Variants in TRABD2B observed in about 807,000 individuals in gnomAD.
The protein encoded by TRABD2B is TraB domain containing 2B.
A neutral mutation model predicts 40.1 loss-of-function variants in TRABD2B; 14 were observed. The observed-to-expected ratio is 0.35, with a 90% CI of 0.23 to 0.55. The LOEUF (loss-of-function observed/expected upper bound fraction) is 0.55, where lower values mean the gene tolerates loss of function less well. Ranked by LOEUF, TRABD2B falls within the 20% of genes least tolerant of loss-of-function variation. The probability of loss-of-function intolerance (pLI) is 0.90; values close to 1 mark genes in which losing one functional copy is unlikely to be tolerated. For synonymous variants in TRABD2B, 263 were observed against 277.0 expected, an observed-to-expected ratio of 0.95 and a Z score of 0.50; for missense variants, 541 against 648.6, an observed-to-expected ratio of 0.83 and a Z score of 1.80.
intron 2 of TRABD2B, among the ~76,000 whole-genome samples, chr1:47,820,483 G>A (rs1371803220): frequency 6.6e-6 from 1 of 152,216 alleles, no homozygotes; most frequent in East Asian, 1.9e-4. Flanking sequence ...GCCTGGGCCT[G>A]GCCTACCTCA....
At chr1:47,947,664 T>C (rs1005226211) in intron 2 of TRABD2B, among the ~76,000 whole-genome samples, 7 of 152,090 alleles carry the variant, frequency 4.6e-5, no homozygotes, top group Non-Finnish European at 8.8e-5. Flanking sequence ...CCATGGCCCA[T>C]AGAGTGAATA....
chr1:47,803,170 GTT>G (rs1557579719), intron 2 of TRABD2B, among the ~76,000 whole-genome samples: 1 of 152,250 alleles, frequency 6.6e-6, no homozygotes, highest in African/African-American at 2.4e-5. Flanking sequence ...TGGGGACTGG[GTT>G]AGGCCCCTCA....
intron 2 of TRABD2B, among the ~76,000 whole-genome samples, chr1:47,817,071 A>G (rs1645042740): frequency 6.6e-6 from 1 of 152,088 alleles, no homozygotes; most frequent in South Asian, 2.1e-4. Flanking sequence ...CCACTCACTA[A>G]AGGGAAAAAG....
At position 47,853,548 on chromosome 1, in the gene TRABD2B, C is replaced by T. The variant is rs539144721; in HGVS notation, c.667-51929G>A. Among the ~76,000 whole-genome samples the T allele has an allele frequency of 9.9e-5, 15 of 152,268 alleles. No individual in the cohort carries two copies. The South Asian group carries it at 1.5e-3, about 15-fold the overall frequency. On this transcript the variant is annotated intron_variant, in intron 2 of 6. Coordinates refer to ENST00000606738, the MANE Select transcript of TRABD2B (RefSeq NM_001194986.2). ...ACATATTTCAGAACCAGGAAAGTCA[C>T]GCAGGAAAGAGTCTAAAAGGATCTC...
intron 2 of TRABD2B, among the ~76,000 whole-genome samples, chr1:47,907,279 AAG>A (rs1283489902): frequency 3.3e-5 from 5 of 152,188 alleles, no homozygotes; most frequent in East Asian, 1.9e-4. Context: ...GGCTTTTTAC[AAG>A]AGAGTCATGG....
intron 2 of TRABD2B, among the ~76,000 whole-genome samples, chr1:47,944,723 C>T (rs1280968990): frequency 1.3e-5 from 2 of 152,196 alleles, no homozygotes; most frequent in South Asian, 2.1e-4. Flanking sequence ...CTTCTCTCTA[C>T]TCCCTGGCAG....
intron 2 of TRABD2B, among the ~76,000 whole-genome samples, chr1:47,936,068 C>A (rs1168848061): frequency 6.6e-6 from 1 of 152,162 alleles, no homozygotes; most frequent in Non-Finnish European, 1.5e-5. Flanking sequence ...CAGAATGGCA[C>A]CTGGCACACA....
At chr1:47,967,331 AAGAAAAC>A (rs1645617780) in intron 2 of TRABD2B, among the ~76,000 whole-genome samples, 1 of 103,512 alleles carries the variant, frequency 9.7e-6, no homozygotes, top group Non-Finnish European at 1.9e-5. Context: ...GTGAATAAGC[AAGAAAAC>A]ACACACACAC....
At chr1:47,781,315 G>GA (rs1267723282) in intron 4 of TRABD2B, among the ~76,000 whole-genome samples, 3 of 152,136 alleles carry the variant, frequency 2.0e-5, no homozygotes, top group African/African-American at 7.2e-5. Flanking sequence ...GAGCTGCCAG[G>GA]AAAAAAAGCC....
At chr1:47,867,198 T>C (rs1644071296) in intron 2 of TRABD2B, among the ~76,000 whole-genome samples, 1 of 152,176 alleles carries the variant, frequency 6.6e-6, no homozygotes, top group Admixed American at 6.5e-5. Flanking sequence ...AAGGCAAAAA[T>C]GTTGGTTCTT....
At chr1:47,934,845 G>A (rs891068998) in intron 2 of TRABD2B, among the ~76,000 whole-genome samples, 1 of 152,206 alleles carries the variant, frequency 6.6e-6, no homozygotes, top group Non-Finnish European at 1.5e-5. Flanking sequence ...CATCTCCTGA[G>A]TCCTGGAGAA....
chr1:47,963,499 G>C (rs564166705), intron 2 of TRABD2B, among the ~76,000 whole-genome samples: 2 of 152,310 alleles, frequency 1.3e-5, no homozygotes, highest in South Asian at 2.1e-4. Flanking sequence ...AGAAACATGA[G>C]AGTAACTTCA....
chr1:47,795,257 T>C (rs965450241), intron 3 of TRABD2B, among the ~76,000 whole-genome samples: 1 of 152,062 alleles, frequency 6.6e-6, no homozygotes, highest in Non-Finnish European at 1.5e-5. Context: ...CAAGCAAGAG[T>C]GGAAAAGATC....
chr1:47,913,942 G>C (rs2124713162), intron 2 of TRABD2B, among the ~76,000 whole-genome samples: 1 of 152,334 alleles, frequency 6.6e-6, no homozygotes, highest in Non-Finnish European at 1.5e-5. Flanking sequence ...TGATTAATTT[G>C]CCTAAGTTCA....
chr1:47,893,051 T>C (rs1010050997), intron 2 of TRABD2B, among the ~76,000 whole-genome samples: 1 of 152,126 alleles, frequency 6.6e-6, no homozygotes, highest in African/African-American at 2.4e-5. Flanking sequence ...GCAGAAGCCA[T>C]TGTGAGGTCA....
intron 2 of TRABD2B, among the ~76,000 whole-genome samples, chr1:47,916,894 A>G (rs1197313484): frequency 1.3e-5 from 2 of 152,262 alleles, no homozygotes; most frequent in Non-Finnish European, 2.9e-5. Flanking sequence ...ACAGTCGAGA[A>G]AGCTCCAACT....
At chr1:47,770,435 C>T (rs1460055615) in intron 6 of TRABD2B, among the ~76,000 whole-genome samples, 4 of 152,252 alleles carry the variant, frequency 2.6e-5, no homozygotes, top group Non-Finnish European at 5.9e-5. Flanking sequence ...TGCCTTCACG[C>T]TTTGCTCAGC....
chr1:47,773,966 A>G (rs1644409497), intron 6 of TRABD2B, among the ~76,000 whole-genome samples: 1 of 152,196 alleles, frequency 6.6e-6, no homozygotes. Flanking sequence ...GAGATTCATG[A>G]AGTGCAAAGT....
intron 2 of TRABD2B, among the ~76,000 whole-genome samples, chr1:47,900,787 G>A (rs928970991): frequency 1.3e-5 from 2 of 152,084 alleles, no homozygotes; most frequent in African/African-American, 4.8e-5. Context: ...GTGATTTTGG[G>A]TTCAGTCTGA....
Sources: gnomAD v4.1 joint callset for allele counts (sites outside exome capture counted in the v4.1 genomes callset) on GRCh38, gnomAD v4.1.1 for gene constraint, MANE v1.5 for transcripts, NCBI Gene and HGNC (gene_info 2026-07-23, HGNC 2026-07-21) for gene names.